KCNC2: variants seen among roughly 807,000 people sequenced by gnomAD.
The protein encoded by KCNC2 is potassium voltage-gated channel subfamily C member 2.
KCNC2 carries 21 observed loss-of-function variants against 44.5 expected under a neutral mutation model. The observed-to-expected ratio is 0.47, with a 90% confidence interval of 0.33 to 0.68. KCNC2 has a LOEUF of 0.68. Among genes scored for constraint, KCNC2 ranks in the 30% least tolerant of loss-of-function variants. The probability of loss-of-function intolerance (pLI) is 0.01; values close to 1 mark genes in which losing one functional copy is unlikely to be tolerated. For missense variants in KCNC2, 589 were observed against 826.2 expected, an observed-to-expected ratio of 0.71 and a Z score of 3.52; for synonymous variants, 391 against 339.1, an observed-to-expected ratio of 1.15 and a Z score of -1.68.
chr12:75,042,377 G>A lies in KCNC2; in HGVS notation c.*728C>T. The A allele has an allele frequency of 4.3e-6, 7 of 1,610,448 alleles. No individual in the cohort carries two copies. Among genetic ancestry groups the A allele is most frequent in the Non-Finnish European group, 5.9e-6 (7 of 1,177,698 alleles). On this transcript the variant is annotated 3_prime_UTR_variant, in exon 5 of 5. Coordinates refer to ENST00000549446, the MANE Select transcript of KCNC2 (RefSeq NM_139137.4). ...AATGACAACCTCTTTGCAGTTATCT[G>A]TGTGCAAACAACCAGAGACATTCAG... is the stretch of plus-strand genomic sequence containing the variant.
chr12:75,115,497 G>T (rs1288027636), intron 2 of KCNC2, among the ~76,000 whole-genome samples: 1 of 151,998 alleles, frequency 6.6e-6, no homozygotes, highest in East Asian at 1.9e-4. Flanking sequence ...ATTTATTTAT[G>T]CTCCCATATC....
rs5000310 is a variant in KCNC2, at chr12:75,075,463, A to C, written c.688-24146T>G. On this transcript the variant is annotated intron_variant, in intron 2 of 4. Transcript: ENST00000549446. ...AGGAGAGAAATATATATATACATAT[A>C]TATATATATATATATATATACACAT... is the stretch of plus-strand genomic sequence containing the variant. 1.7e-3 allele frequency among the ~76,000 whole-genome samples: 3 copies of C among 1,734 alleles called. No individual in the cohort carries two copies. The Admixed American group carries it at 0.026, about 15-fold the overall frequency. The allele number at this position is 1,734 out of a possible 152,430, so 1.1% of individuals were successfully genotyped here.
Position 75,043,247 on chromosome 12 carries a change from A to G in KCNC2, c.1781-6T>C, listed in dbSNP as rs1351554938. 1.2e-6 allele frequency: 2 copies of G among 1,611,566 alleles called. No homozygotes were observed. Among genetic ancestry groups the G allele is most frequent in the African/African-American group, 2.7e-5 (2 of 74,690 alleles). ...GCTTCGGGATTTTTCATATCCTTTT[A>G]TGAAAAAATGCACAGACATCAGTTG... is the stretch of plus-strand genomic sequence containing the variant. On this transcript the variant is annotated splice_polypyrimidine_tract_variant and splice_region_variant and intron_variant, in intron 4 of 4. Coordinates refer to ENST00000549446, the MANE Select transcript of KCNC2 (RefSeq NM_139137.4).
chr12:75,156,342 G>A (rs536483673), intron 2 of KCNC2, among the ~76,000 whole-genome samples: 2 of 151,656 alleles, frequency 1.3e-5, no homozygotes, highest in African/African-American at 2.4e-5. Flanking sequence ...ACAGAAAAAG[G>A]ATATGAAATG....
chr12:75,123,802 A>T (rs1346352654), intron 2 of KCNC2, among the ~76,000 whole-genome samples: 1 of 152,216 alleles, frequency 6.6e-6, no homozygotes, highest in Non-Finnish European at 1.5e-5. Flanking sequence ...CAAAGAAAAC[A>T]GGAGAAACTT....
At chr12:75,201,947 G>T (rs554194565) in intron 2 of KCNC2, among the ~76,000 whole-genome samples, 1 of 151,680 alleles carries the variant, frequency 6.6e-6, no homozygotes, top group Non-Finnish European at 1.5e-5. Flanking sequence ...ATTTCTAAAG[G>T]TTCCCACAAT....
Position 75,042,435 on chromosome 12 carries a change from A to G in KCNC2, c.*670T>C, listed in dbSNP as rs1038730394. The G allele has an allele frequency of 2.5e-6, 4 of 1,577,382 alleles. No individual in the cohort carries two copies. In the African/African-American group the frequency reaches 4.1e-5, roughly 16 times the overall value. On this transcript the variant is annotated 3_prime_UTR_variant, in exon 5 of 5. Transcript: ENST00000549446. ...ATACAGCATTTTTGAAGAAAAGTAA[A>G]TCAATCAAGAAATTAAACTATTTAA... is the stretch of plus-strand genomic sequence containing the variant.
intron 2 of KCNC2, among the ~76,000 whole-genome samples, chr12:75,125,609 T>C (rs915792173): frequency 1.3e-5 from 2 of 152,212 alleles, no homozygotes; most frequent in East Asian, 1.9e-4. Flanking sequence ...TCATTCTGAA[T>C]ATGAGACATT....
At chr12:75,073,139 A>G (rs776976572) in intron 2 of KCNC2, among the ~76,000 whole-genome samples, 3 of 152,180 alleles carry the variant, frequency 2.0e-5, no homozygotes, top group Non-Finnish European at 4.4e-5. Flanking sequence ...AGCTACTGCC[A>G]TTTCTTTGAT....
chr12:75,061,911 A>G (rs1234854168), intron 2 of KCNC2, among the ~76,000 whole-genome samples: 2 of 152,100 alleles, frequency 1.3e-5, no homozygotes, highest in Admixed American at 6.6e-5. Flanking sequence ...TATGCCACTG[A>G]TAACAGTTTT....
chr12:75,171,026 C>T (rs1891780509), intron 2 of KCNC2, among the ~76,000 whole-genome samples: 1 of 151,298 alleles, frequency 6.6e-6, no homozygotes, highest in Non-Finnish European at 1.5e-5. Context: ...TCGGTCTTAA[C>T]CACCTGGGCC....
intron 2 of KCNC2, among the ~76,000 whole-genome samples, chr12:75,179,897 A>G (rs889026755): frequency 2.6e-5 from 4 of 151,762 alleles, no homozygotes; most frequent in Non-Finnish European, 4.4e-5. Context: ...AGCATTCCGT[A>G]CAATTCTAAA....
Position 75,207,795 on chromosome 12 carries a change from C to T in KCNC2, c.189G>A (p.Pro63=), listed in dbSNP as rs746565585. 2.5e-6 allele frequency: 4 copies of T among 1,595,140 alleles called. No individual in the cohort carries two copies. The highest frequency in any genetic ancestry group is 2.2e-5 in the South Asian group (2 of 89,734). The change falls in exon 2 of 5, where the codon CCG becomes CCA. Residue 63 remains proline (P), a synonymous_variant. Transcript: ENST00000549446. This position sits in a 1 kb window ranked among gnomAD's most constrained non-coding sequence, Gnocchi z 4.1. Reference sequence around the variant, plus strand: ...GGGACAGCGGGGGCGCTCTCGGCGGCGGCGACAGTGGAGGCGGCGACGGCT... The same window carrying T: ...GGGACAGCGGGGGCGCTCTCGGCGGTGGCGACAGTGGAGGCGGCGACGGCT... ...KLQPSPPPLS[P]PPRAPPLSPG...
At chr12:75,045,549 G>A (rs1880395635) in intron 4 of KCNC2, among the ~76,000 whole-genome samples, 1 of 151,698 alleles carries the variant, frequency 6.6e-6, no homozygotes, top group African/African-American at 2.4e-5. Context: ...CTTAATCAAG[G>A]TTTTACTCGA....
Position 75,133,870 on chromosome 12 carries a change from G to A in KCNC2, c.687+73427C>T, listed in dbSNP as rs1476742301. The stretch of plus-strand genomic sequence containing the variant: ...GAGAGTGATGAAACAAACAGACACG[G>A]TCTTGCTTTAAATAGAATAACAGGG... On this transcript the variant is annotated intron_variant, in intron 2 of 4. Coordinates refer to ENST00000549446, the MANE Select transcript of KCNC2 (RefSeq NM_139137.4). 2.6e-5 allele frequency among the ~76,000 whole-genome samples: 4 copies of A among 151,820 alleles called. No individual in the cohort carries two copies. In the East Asian group the frequency reaches 7.7e-4, roughly 29 times the overall value.
intron 2 of KCNC2, among the ~76,000 whole-genome samples, chr12:75,097,805 C>T (rs1308174079): frequency 5.3e-5 from 8 of 152,166 alleles, no homozygotes; most frequent in South Asian, 2.1e-4. Flanking sequence ...AAATTAACAT[C>T]TCAAAACCAA....
intron 2 of KCNC2, among the ~76,000 whole-genome samples, chr12:75,202,029 T>C (rs1411887401): frequency 6.6e-6 from 1 of 151,930 alleles, no homozygotes; most frequent in African/African-American, 2.4e-5. Context: ...TTTGTCATAG[T>C]AAAAATTGAT....
chr12:75,090,716 T>A (rs1241757708), intron 2 of KCNC2, among the ~76,000 whole-genome samples: 1 of 151,698 alleles, frequency 6.6e-6, no homozygotes, highest in African/African-American at 2.4e-5. Context: ...ATATTTGATG[T>A]CAGGAATAGT....
rs186618745 is a variant in KCNC2, at chr12:75,041,850, A to G, written c.*1255T>C. On this transcript the variant is annotated 3_prime_UTR_variant, in exon 5 of 5. Transcript: ENST00000549446. The stretch of plus-strand genomic sequence containing the variant: ...AGCAGAGAGGCTGCTCCAAATAGCA[A>G]AAAATGGTATGGAGTCGGGTTTGGA... 4.4e-5 allele frequency: 44 copies of G among 989,140 alleles called. No homozygotes were observed. The African/African-American group carries it at 6.6e-4, about 15-fold the overall frequency. 61.3% of individuals were successfully genotyped at this position (989,140 alleles called of 1,614,324 possible).
Sources: allele counts gnomAD v4.1 joint callset (sites outside exome capture counted in the v4.1 genomes callset), GRCh38; gene constraint gnomAD v4.1.1; non-coding constraint Gnocchi (gnomAD v3.1); transcripts MANE v1.5; gene names NCBI Gene and HGNC (gene_info 2026-07-23, HGNC 2026-07-21).